The following SEC24D variants were observed in gnomAD, a reference collection of about 807,000 sequenced individuals.
SEC24D encodes the protein SEC24 homolog D, COPII component, also known as protein transport protein Sec24D.
Under a neutral mutation model 116.9 loss-of-function variants are expected in SEC24D, and 69 were observed. That is an observed-to-expected ratio of 0.59 (90% CI 0.49 to 0.72). The LOEUF (loss-of-function observed/expected upper bound fraction) is 0.72. SEC24D is among the 30% of genes least tolerant of loss of function. The pLI is 0.00. For missense variants in SEC24D, 1,131 were observed against 1,264.1 expected (o/e 0.89, Z 1.60); for synonymous variants, 405 against 442.8 (o/e 0.91, Z 1.07).
intron 3 of SEC24D, among the ~76,000 whole-genome samples, chr4:118,823,174 AG>A (rs1276160674): frequency 6.6e-6 from 1 of 152,152 alleles, no homozygotes; most frequent in Non-Finnish European, 1.5e-5. Context: ...TTTGAGACTC[AG>A]GGCAGTAGTT....
intron 13 of SEC24D, among the ~76,000 whole-genome samples, chr4:118,747,054 AAC>A (rs1267752093): frequency 1.3e-5 from 2 of 152,170 alleles, no homozygotes; most frequent in Non-Finnish European, 1.5e-5. Context: ...CATTAATAAG[AAC>A]ACAAGGATAA....
At chr4:118,820,661 CT>C (rs35175042) in intron 3 of SEC24D, among the ~76,000 whole-genome samples, 49,791 of 146,830 alleles carry the variant, frequency 0.34, 9,904 homozygotes, top group East Asian at 0.55. Context: ...GGAGTGATCC[CT>C]TTTTTTTTTT....
intron 8 of SEC24D, among the ~76,000 whole-genome samples, chr4:118,793,171 C>A (rs1231791715): frequency 3.9e-5 from 6 of 152,138 alleles, no homozygotes; most frequent in Non-Finnish European, 5.9e-5. Flanking sequence ...AGAGGAGAAT[C>A]TGTCAAGAAG....
chr4:118,815,406 C>T, intron 5 of SEC24D, 45 bp downstream of exon 5: 1 of 1,597,092 alleles, frequency 6.3e-7, no homozygotes, highest in Non-Finnish European at 8.6e-7. Context: ...GTTAAGGGTT[C>T]CCCTGGGTAA....
At chr4:118,779,664 T>C (rs370346497) in intron 8 of SEC24D, among the ~76,000 whole-genome samples, 1 of 152,220 alleles carries the variant, frequency 6.6e-6, no homozygotes, top group African/African-American at 2.4e-5. Context: ...ATTAGAATAG[T>C]TTCAGAAGGA....
rs1167833149 is a variant in SEC24D at position 118,797,799 on chromosome 4, G to T, written c.925C>A (p.Pro309Thr). Residue 309 changes from proline to threonine, a missense_variant, in exon 8 of 23, where the codon CCT (proline) becomes ACT (threonine). By Grantham distance (38) the Pro-to-Thr change is conservative. Transcript: ENST00000280551. ...CMIQDQGNAS[P>T]RFIRCTTYCF... ...TATGTTGTACAACGGATGAATCGAG[G>T]ACTGGCATTTCCTGAAACATTCAAA... The T allele has an allele frequency of 6.3e-7, 1 of 1,598,716 alleles. No individual in the cohort carries two copies. Among genetic ancestry groups the T allele is most frequent in the Admixed American group, 1.7e-5 (1 of 59,278 alleles).
chr4:118,725,144 A>G (rs1725342247), intron 22 of SEC24D, among the ~76,000 whole-genome samples: 2 of 152,324 alleles, frequency 1.3e-5, no homozygotes, highest in South Asian at 4.1e-4. Context: ...ATAATAATAT[A>G]TAAGAACAAC....
chr4:118,812,904 C>G (rs115360030), intron 6 of SEC24D, among the ~76,000 whole-genome samples: 3 of 152,086 alleles, frequency 2.0e-5, no homozygotes, highest in Non-Finnish European at 4.4e-5. Flanking sequence ...AAACATTCAC[C>G]CCTAGACACT....
intron 3 of SEC24D, among the ~76,000 whole-genome samples, chr4:118,822,751 T>C (rs1031286509): frequency 1.3e-5 from 2 of 151,934 alleles, no homozygotes; most frequent in Non-Finnish European, 2.9e-5. Context: ...TTCTATTTTT[T>C]TTTGTAGAGA....
At chr4:118,761,713 C>G (rs1727385262) in intron 10 of SEC24D, among the ~76,000 whole-genome samples, 1 of 152,202 alleles carries the variant, frequency 6.6e-6, no homozygotes, top group African/African-American at 2.4e-5. Flanking sequence ...CATGTCACTT[C>G]ATCTACAATG....
At position 118,770,751 on chromosome 4, in the gene SEC24D, C is replaced by T. The variant is rs145497512; in HGVS notation, c.1042-2440G>A. Among the ~76,000 whole-genome samples, 377 of 152,274 alleles carry T rather than the reference C, an allele frequency of 2.5e-3. 1 individual carries two copies. Among genetic ancestry groups the T allele is most frequent in the African/African-American group, 8.7e-3 (360 of 41,550 alleles). ...CCTAAAATTACTGTGAAATTGTCGG[C>T]AATGAACACCTATGCATTCCAGTCC... is the stretch of plus-strand genomic sequence containing the variant. On this transcript the variant is annotated intron_variant, in intron 8 of 22. Coordinates refer to ENST00000280551, the MANE Select transcript of SEC24D (RefSeq NM_014822.4).
Position 118,815,021 on chromosome 4 carries a change from T to G in SEC24D, c.801+7A>C. ...AGTGAGACTGTGAGAGTGAGAAGAG[T>G]ACTTACTGGGCTAGGGATAGAGTCA... On this transcript the variant is annotated splice_region_variant and intron_variant, in intron 6 of 22. Transcript: ENST00000280551. The G allele has an allele frequency of 6.2e-7, 1 of 1,613,248 alleles. No homozygotes were observed. The highest frequency in any genetic ancestry group is 8.5e-7 in the Non-Finnish European group (1 of 1,179,680).
chr4:118,740,867 GT>G, intron 16 of SEC24D, 59 bp from the exon 17 acceptor site: 1 of 1,600,980 alleles, frequency 6.2e-7, no homozygotes, highest in Non-Finnish European at 8.5e-7. Context: ...TATTTTCTTT[GT>G]TGGCCTGTTA....
intron 6 of SEC24D, among the ~76,000 whole-genome samples, 179 bp downstream of exon 6, chr4:118,814,849 T>A (rs986396700): frequency 6.6e-6 from 1 of 152,122 alleles, no homozygotes; most frequent in African/African-American, 2.4e-5. Context: ...AGTATGCCCA[T>A]AACCCTAGCA....
intron 3 of SEC24D, among the ~76,000 whole-genome samples, chr4:118,819,391 C>A (rs968882111): frequency 1.3e-5 from 2 of 151,560 alleles, no homozygotes; most frequent in Non-Finnish European, 2.9e-5. Context: ...ATTAGCCGGG[C>A]GTGGTGGTGG....
intron 2 of SEC24D, 123 bp from the exon 3 acceptor site, chr4:118,824,872 C>A: frequency 3.6e-6 from 3 of 832,454 alleles, no homozygotes; most frequent in Non-Finnish European, 5.4e-6. Context: ...AGAACAAAAT[C>A]TCTTTCAAGC....
chr4:118,741,782 A>G (rs1481055989), intron 15 of SEC24D, among the ~76,000 whole-genome samples: 1 of 152,222 alleles, frequency 6.6e-6, no homozygotes, highest in Non-Finnish European at 1.5e-5. Flanking sequence ...CACAATCTTT[A>G]CAATAATCCC....
intron 8 of SEC24D, among the ~76,000 whole-genome samples, chr4:118,789,617 C>A (rs1412550602): frequency 6.6e-6 from 1 of 152,184 alleles, no homozygotes; most frequent in Non-Finnish European, 1.5e-5. Flanking sequence ...TGGAGTCTTA[C>A]TCTGTCACTT....
intron 2 of SEC24D, among the ~76,000 whole-genome samples, chr4:118,828,194 C>T (rs550911119): frequency 1.3e-5 from 2 of 152,038 alleles, no homozygotes; most frequent in South Asian, 4.2e-4. Flanking sequence ...CTGCAAGCTC[C>T]GCCTCCCAGG....
Sources: gnomAD v4.1 joint callset for allele counts (sites outside exome capture counted in the v4.1 genomes callset) on GRCh38, gnomAD v4.1.1 for gene constraint, MANE v1.5 for transcripts, NCBI Gene and HGNC (gene_info 2026-07-23, HGNC 2026-07-21) for gene names.